The following HERC1 variants were observed in gnomAD, a reference collection of about 807,000 sequenced individuals.
HERC1 encodes probable E3 ubiquitin-protein ligase HERC1.
In HERC1, 160 loss-of-function variants were observed where a neutral mutation model predicts 554.3. That is an observed-to-expected ratio of 0.29 (90% CI 0.25 to 0.33). The LOEUF is 0.33. Among genes scored for constraint, HERC1 ranks in the 10% least tolerant of loss-of-function variants. The pLI is 1.00. For missense variants in HERC1, 4,919 were observed against 5,918.5 expected, an observed-to-expected ratio of 0.83 and a Z score of 5.54; for synonymous variants, 2,175 against 2,131.7, an observed-to-expected ratio of 1.02 and a Z score of -0.56.
chr15:63,636,017 C>T lies in HERC1; in HGVS notation c.12358G>A (p.Asp4120Asn), dbSNP rs1308983472. The T allele has an allele frequency of 6.2e-7, 1 of 1,613,816 alleles. No homozygotes were observed. The highest frequency in any genetic ancestry group is 8.5e-7 in the Non-Finnish European group (1 of 1,179,880). The change falls in exon 65 of 78, where the codon GAC becomes AAC. Residue 4120 changes from aspartate (D) to asparagine (N), a missense_variant. Physicochemically the swap from Asp to Asn is conservative, Grantham distance 23. Coordinates refer to ENST00000443617, the MANE Select transcript of HERC1 (RefSeq NM_003922.4). ...DYGKLGHGNS[D>N]RQRRPRQIEA... ...ATCTGCCTGGGCCGCCGCTGCCTGTCGCTGTTCCCATGGCCAAGTTTACCA... is the reference window on the plus strand; with the variant it reads ...ATCTGCCTGGGCCGCCGCTGCCTGTTGCTGTTCCCATGGCCAAGTTTACCA...
In HERC1 at chr15:63,753,065, T is replaced by C; in HGVS notation, c.1795A>G (p.Thr599Ala). The change falls in exon 8 of 78, where the codon ACC (threonine) becomes GCC (alanine). Residue 599 changes from threonine to alanine, a missense_variant. Thr to Ala is a moderately conservative substitution (Grantham distance 58). This residue lies in a region of HERC1 where 744 missense variants were observed against 1,090.0 expected (regional missense o/e 0.68). Transcript: ENST00000443617. ...ACTTTAGGTTTATACACTCTGTTGG[T>C]ATCACCATGACCAAGTTTACCTATA... is the stretch of plus-strand genomic sequence containing the variant. ...GDNGKLGHGD[T>A]NRVYKPKVIE... is the part of the protein sequence containing the mutation. The C allele has an allele frequency of 6.2e-7, 1 of 1,605,298 alleles. No individual in the cohort carries two copies. The highest frequency in any genetic ancestry group is 8.5e-7 in the Non-Finnish European group (1 of 1,175,944).
At chr15:63,787,449 G>A (rs567148024) in intron 1 of HERC1, among the ~76,000 whole-genome samples, 12 of 152,024 alleles carry the variant, frequency 7.9e-5, no homozygotes, top group Non-Finnish European at 1.6e-4. Flanking sequence ...GAGCCGCCAC[G>A]GCTGACCAAT....
At chr15:63,667,829 T>C (rs1194912284) in intron 40 of HERC1, among the ~76,000 whole-genome samples, 1 of 152,206 alleles carries the variant, frequency 6.6e-6, no homozygotes, top group Non-Finnish European at 1.5e-5. Flanking sequence ...CATGTGGATT[T>C]TCTTCTGCCT....
At position 63,746,965 on chromosome 15, in the gene HERC1, A is replaced by C. The variant is rs1195383213; in HGVS notation, c.2473T>G (p.Leu825Val). 6.4e-7 allele frequency: 1 copy of C among 1,555,072 alleles called. No individual in the cohort carries two copies. Among genetic ancestry groups the C allele is most frequent in the Admixed American group, 2.0e-5 (1 of 51,196 alleles). Residue 825 changes from leucine (L) to valine (V), a missense_variant, in exon 12 of 78, where the codon TTG becomes GTG. Physicochemically the swap from Leu to Val is conservative, Grantham distance 32 (BLOSUM62 1). Coordinates refer to ENST00000443617, the MANE Select transcript of HERC1 (RefSeq NM_003922.4). ...LGRQAGPLRN[L>V]LFRLMDSTVP... ...GTTGAGTCCATCAGTCTGAAGAGCA[A>C]ATTTCGAAGTGGACCTGCCTGCCTC...
At chr15:63,733,578 C>G (rs756443988) in intron 13 of HERC1, among the ~76,000 whole-genome samples, 1 of 152,168 alleles carries the variant, frequency 6.6e-6, no homozygotes, top group Non-Finnish European at 1.5e-5. Flanking sequence ...GTAGGCTGGG[C>G]GCAGTGGCTC....
chr15:63,765,628 T>C (rs1315622172), intron 2 of HERC1, among the ~76,000 whole-genome samples: 1 of 152,136 alleles, frequency 6.6e-6, no homozygotes, highest in Non-Finnish European at 1.5e-5. Context: ...ACTAACTCTT[T>C]CAACGAACGG....
intron 25 of HERC1, among the ~76,000 whole-genome samples, chr15:63,701,325 T>C (rs1409698358): frequency 2.6e-5 from 4 of 152,224 alleles, no homozygotes; most frequent in African/African-American, 4.8e-5. Context: ...TGCCTGCCTA[T>C]ATAAAGGTTC....
chr15:63,693,746 T>C (rs914287425), intron 30 of HERC1, among the ~76,000 whole-genome samples: 8 of 152,134 alleles, frequency 5.3e-5, no homozygotes, highest in African/African-American at 1.7e-4. Flanking sequence ...ATGGGCAGTA[T>C]GGTCACAACA....
At chr15:63,760,972 C>T (rs980956248) in intron 3 of HERC1, among the ~76,000 whole-genome samples, 4 of 152,010 alleles carry the variant, frequency 2.6e-5, no homozygotes, top group Admixed American at 2.0e-4. Context: ...ATCAGATTAC[C>T]TTTGGACTTT....
At chr15:63,728,278 T>A (rs538055979) in intron 16 of HERC1, among the ~76,000 whole-genome samples, 2 of 152,346 alleles carry the variant, frequency 1.3e-5, no homozygotes, top group Middle Eastern at 6.8e-3. Context: ...AGGGAATGCT[T>A]TCATATTTTT....
At chr15:63,774,081 A>G (rs2076039478) in intron 2 of HERC1, among the ~76,000 whole-genome samples, 2 of 152,212 alleles carry the variant, frequency 1.3e-5, no homozygotes, top group African/African-American at 4.8e-5. Flanking sequence ...CACAATTCAG[A>G]GAGTCATCCC....
chr15:63,818,653 A>G (rs1160285982), intron 1 of HERC1, among the ~76,000 whole-genome samples: 3 of 152,220 alleles, frequency 2.0e-5, no homozygotes, highest in Non-Finnish European at 4.4e-5. Context: ...GAGAGTTTTG[A>G]AAAATCCTTC....
Position 63,664,498 on chromosome 15 carries a change from T to C in HERC1, c.8652A>G (p.Leu2884=). The C allele has an allele frequency of 6.2e-7, 1 of 1,613,772 alleles. No individual in the cohort carries two copies. Among genetic ancestry groups the C allele is most frequent in the Non-Finnish European group, 8.5e-7 (1 of 1,179,726 alleles). ...SAVTRRHKFD[L]AARTLLARAA... is the part of the protein sequence containing the mutation. The stretch of plus-strand genomic sequence containing the variant: ...CTCTTGCTAGCAGTGTGCGAGCAGC[T>C]AAGTCAAACTTGTGTCTTCTTGTTA... The change falls in exon 43 of 78, where the codon TTA becomes TTG. Residue 2884 remains leucine (L), a synonymous_variant. Coordinates refer to ENST00000443617, the MANE Select transcript of HERC1 (RefSeq NM_003922.4).
chr15:63,620,122 T>C (rs1284004207), intron 74 of HERC1, among the ~76,000 whole-genome samples: 1 of 152,218 alleles, frequency 6.6e-6, no homozygotes, highest in Non-Finnish European at 1.5e-5. Flanking sequence ...CTTTCTCTTG[T>C]GGGCATTTAG....
chr15:63,740,576 C>T (rs751500636), intron 12 of HERC1, among the ~76,000 whole-genome samples: 9 of 152,228 alleles, frequency 5.9e-5, no homozygotes, highest in Non-Finnish European at 1.0e-4. Flanking sequence ...CCACCTCCTC[C>T]AATGTTTGCT....
chr15:63,756,062 T>G lies in HERC1; in HGVS notation c.1533+375A>C, dbSNP rs1332066586. ...AAATTATTCTATATGCTTGTTAACT[T>G]ATTATCTCTATCCTGAAGACTAAAG... is the stretch of plus-strand genomic sequence containing the variant. On this transcript the variant is annotated intron_variant, in intron 5 of 77. Transcript: ENST00000443617. This position sits in a 1 kb window ranked among gnomAD's most constrained non-coding sequence, Gnocchi z 5.0. Among the ~76,000 whole-genome samples the G allele has an allele frequency of 6.6e-6, 1 of 152,210 alleles. No homozygotes were observed. The highest frequency in any genetic ancestry group is 2.4e-5 in the African/African-American group (1 of 41,442).
In HERC1 at chr15:63,608,922, ATTTC is replaced by A. The variant is rs774257878; in HGVS notation, c.*155_*158del. On this transcript the variant is annotated 3_prime_UTR_variant, in exon 78 of 78. Coordinates refer to ENST00000443617, the MANE Select transcript of HERC1 (RefSeq NM_003922.4). ...AATCACAGAAAAATAAAAACATCTA[ATTTC>A]TTTGTTACATTTAGAGTAACTAAAT... 3.6e-6 allele frequency: 2 copies of A among 549,022 alleles called. No homozygotes were observed. The highest frequency in any genetic ancestry group is 5.8e-6 in the Non-Finnish European group (2 of 346,250). The allele number at this position is 549,022 out of a possible 1,614,324, so 34.0% of individuals were successfully genotyped here.
At chr15:63,804,023 G>T (rs1037100867) in intron 1 of HERC1, among the ~76,000 whole-genome samples, 1 of 152,186 alleles carries the variant, frequency 6.6e-6, no homozygotes, top group Non-Finnish European at 1.5e-5. Context: ...TGTCAAGGCA[G>T]TTTAATAGGA....
At chr15:63,638,839 A>T in intron 61 of HERC1, 63 bp from the exon 62 acceptor site, 1 of 1,121,262 alleles carries the variant, frequency 8.9e-7, no homozygotes, top group South Asian at 1.2e-5. Context: ...GCTCTTAACC[A>T]CAAAGTCCTC....
Sources: allele counts gnomAD v4.1 joint callset (sites outside exome capture counted in the v4.1 genomes callset), GRCh38; gene constraint gnomAD v4.1.1; regional missense constraint gnomAD v4.1.1; non-coding constraint Gnocchi (gnomAD v3.1); transcripts MANE v1.5; gene names NCBI Gene and HGNC (gene_info 2026-07-23, HGNC 2026-07-21).